The following PBX1 variants were observed in gnomAD, a reference collection of about 807,000 sequenced individuals.
PBX1 encodes the protein pre-B-cell leukemia transcription factor 1.
A neutral mutation model predicts 53.4 loss-of-function variants in PBX1; 6 were observed. The ratio of observed to expected loss-of-function variants is 0.11; its 90% CI spans 0.06 to 0.22. The LOEUF (loss-of-function observed/expected upper bound fraction) is 0.22, where lower values mean the gene tolerates loss of function less well. Among genes scored for constraint, PBX1 ranks in the 10% least tolerant of loss-of-function variants. PBX1 has a pLI of 1.00. For missense variants in PBX1, 251 were observed against 551.4 expected (o/e 0.46, Z 5.46); for synonymous variants, 204 against 212.3 (o/e 0.96, Z 0.34).
At chr1:164,696,992 A>G (rs1347596425) in intron 2 of PBX1, among the ~76,000 whole-genome samples, 3 of 152,168 alleles carry the variant, frequency 2.0e-5, no homozygotes, top group Non-Finnish European at 4.4e-5. Context: ...TGACATTAGC[A>G]GGTTACCTAA....
intron 2 of PBX1, among the ~76,000 whole-genome samples, chr1:164,673,699 G>C (rs903540980): frequency 2.0e-5 from 3 of 151,970 alleles, no homozygotes; most frequent in Non-Finnish European, 4.4e-5. Flanking sequence ...CTTAAATTTT[G>C]ACTTTGTAAA....
At chr1:164,768,684 C>T (rs1044695530) in intron 2 of PBX1, among the ~76,000 whole-genome samples, 8 of 152,190 alleles carry the variant, frequency 5.3e-5, no homozygotes, top group Non-Finnish European at 8.8e-5. Flanking sequence ...TCTCTTTCTA[C>T]CCAGTGTACC....
At chr1:164,838,112 T>C (rs1166723207) in intron 8 of PBX1, among the ~76,000 whole-genome samples, 3 of 152,228 alleles carry the variant, frequency 2.0e-5, no homozygotes, top group Non-Finnish European at 4.4e-5. Context: ...CTACAGTTGA[T>C]GGAATCTTCC....
At chr1:164,785,795 G>T (rs900411101) in intron 2 of PBX1, among the ~76,000 whole-genome samples, 6 of 152,192 alleles carry the variant, frequency 3.9e-5, no homozygotes, top group African/African-American at 1.4e-4. Flanking sequence ...GTGGCCCCTT[G>T]GCTGCCAGGC....
At chr1:164,588,685 A>G (rs2101761794) in intron 2 of PBX1, among the ~76,000 whole-genome samples, 1 of 151,934 alleles carries the variant, frequency 6.6e-6, no homozygotes, top group South Asian at 2.1e-4. Context: ...TAGGGGGAAA[A>G]AAAATAAGAG....
At chr1:164,783,197 C>T (rs2102279405) in intron 2 of PBX1, among the ~76,000 whole-genome samples, 1 of 152,174 alleles carries the variant, frequency 6.6e-6, no homozygotes, top group South Asian at 2.1e-4. Flanking sequence ...TGAGTGAAGA[C>T]TTAAGAAGCT....
At chr1:164,736,833 T>C (rs1665316138) in intron 2 of PBX1, among the ~76,000 whole-genome samples, 1 of 152,176 alleles carries the variant, frequency 6.6e-6, no homozygotes, top group African/African-American at 2.4e-5. Context: ...TTTCTTATTG[T>C]CTAGTTTACT....
In PBX1 at chr1:164,663,689, T is replaced by C. The variant is rs145995751; in HGVS notation, c.265+100378T>C. 1.4e-3 allele frequency among the ~76,000 whole-genome samples: 210 copies of C among 152,362 alleles called. 2 individuals are homozygous for C. Among genetic ancestry groups the C allele is most frequent in the Non-Finnish European group, 1.9e-3 (126 of 68,032 alleles). On this transcript the variant is annotated intron_variant, in intron 2 of 8. Coordinates refer to ENST00000420696, the MANE Select transcript of PBX1 (RefSeq NM_002585.4). ...TTTTGAGTGCTCCTCAATGTATTGCTCTTGGTATGATATCCTATCCATCAT... is the reference window on the plus strand; with the variant it reads ...TTTTGAGTGCTCCTCAATGTATTGCCCTTGGTATGATATCCTATCCATCAT...
chr1:164,571,873 G>GTATATATATA (rs59338120), intron 2 of PBX1, among the ~76,000 whole-genome samples: 17 of 29,896 alleles, frequency 5.7e-4, no homozygotes, highest in Non-Finnish European at 1.0e-3. Flanking sequence ...TCTGTACATT[G>GTATATATATA]TATATATATA....
intron 2 of PBX1, among the ~76,000 whole-genome samples, chr1:164,608,502 C>CT (rs1426866526): frequency 6.6e-6 from 1 of 152,168 alleles, no homozygotes; most frequent in Non-Finnish European, 1.5e-5. Flanking sequence ...AAGTATTTAA[C>CT]TTATTAGTGT....
intron 2 of PBX1, among the ~76,000 whole-genome samples, chr1:164,657,860 G>A (rs1037480493): frequency 6.6e-6 from 1 of 152,198 alleles, no homozygotes; most frequent in African/African-American, 2.4e-5. Context: ...CCTGCATGCT[G>A]TGCAAGAAAG....
intron 2 of PBX1, among the ~76,000 whole-genome samples, chr1:164,685,488 A>C (rs1234402907): frequency 6.6e-6 from 1 of 152,204 alleles, no homozygotes; most frequent in African/African-American, 2.4e-5. Context: ...CCCAGTGAAC[A>C]TCTGAGCCAG....
At chr1:164,870,048 G>A (rs1672311018) in intron 2 of PBX1, among the ~76,000 whole-genome samples, 1 of 152,184 alleles carries the variant, frequency 6.6e-6, no homozygotes, top group African/African-American at 2.4e-5. Context: ...AGAAAGACCT[G>A]AGGAAAGCTC....
chr1:164,876,617 A>G (rs577874940), intron 2 of PBX1, among the ~76,000 whole-genome samples: 1 of 152,150 alleles, frequency 6.6e-6, no homozygotes, highest in East Asian at 1.9e-4. Flanking sequence ...CTCTGTGTTT[A>G]TTATCTCATT....
At chr1:164,793,654 A>G (rs1668632772) in intron 3 of PBX1, among the ~76,000 whole-genome samples, 1 of 152,142 alleles carries the variant, frequency 6.6e-6, no homozygotes, top group South Asian at 2.1e-4. Context: ...TCCTCTGGTT[A>G]GTGTAAGCAT....
chr1:164,713,512 G>T (rs1391014430), intron 2 of PBX1, among the ~76,000 whole-genome samples: 1 of 152,026 alleles, frequency 6.6e-6, no homozygotes, highest in South Asian at 2.1e-4. Context: ...AGTACATTAG[G>T]GTTTTTACTC....
chr1:164,760,911 C>T (rs1272129254), intron 2 of PBX1, among the ~76,000 whole-genome samples: 1 of 152,168 alleles, frequency 6.6e-6, no homozygotes, highest in Non-Finnish European at 1.5e-5. Context: ...ACTTGGTTTG[C>T]ACTCACGTTT....
intron 2 of PBX1, among the ~76,000 whole-genome samples, chr1:164,740,350 T>C (rs1489151086): frequency 6.6e-6 from 1 of 151,664 alleles, no homozygotes; most frequent in African/African-American, 2.4e-5. Context: ...ACATTTTAAA[T>C]TATAGTATGG....
chr1:164,731,518 C>G (rs529490903), intron 2 of PBX1, among the ~76,000 whole-genome samples: 1 of 152,100 alleles, frequency 6.6e-6, no homozygotes, highest in Non-Finnish European at 1.5e-5. Flanking sequence ...AAGCAGGGAC[C>G]AAGAGGTCCA....
Sources: gnomAD v4.1 joint callset for allele counts (sites outside exome capture counted in the v4.1 genomes callset) on GRCh38, gnomAD v4.1.1 for gene constraint, MANE v1.5 for transcripts, NCBI Gene and HGNC (gene_info 2026-07-23, HGNC 2026-07-21) for gene names.